LOXL4: variants seen among roughly 807,000 people sequenced by gnomAD.
The protein encoded by LOXL4 is lysyl oxidase homolog 4.
In LOXL4, 72 loss-of-function variants were observed where a neutral mutation model predicts 89.1. The ratio of observed to expected loss-of-function variants is 0.81; its 90% CI spans 0.67 to 0.98. The LOEUF (loss-of-function observed/expected upper bound fraction) is 0.98, where lower values mean the gene tolerates loss of function less well. Ranked by LOEUF, LOXL4 falls within the 50% of genes least tolerant of loss-of-function variation. The pLI, the probability that LOXL4 is intolerant of heterozygous loss-of-function variation, is 0.00. For synonymous variants in LOXL4, 355 were observed against 392.1 expected, an observed-to-expected ratio of 0.91 and a Z score of 1.12; for missense variants, 984 against 1,017.5, an observed-to-expected ratio of 0.97 and a Z score of 0.45.
chr10:98,254,734 G>A (rs1486769508), intron 10 of LOXL4, among the ~76,000 whole-genome samples: 1 of 152,202 alleles, frequency 6.6e-6, no homozygotes, highest in Non-Finnish European at 1.5e-5. Context: ...CCAGGAAGGG[G>A]AGTCAAGTGA....
At chr10:98,257,063 C>G (rs1858397339) in intron 8 of LOXL4, 116 bp from the exon 9 acceptor site, 1 of 1,221,872 alleles carries the variant, frequency 8.2e-7, no homozygotes, top group African/African-American at 1.5e-5. Flanking sequence ...CAAGACAGTC[C>G]CCTTCTCTGC....
intron 8 of LOXL4, 106 bp downstream of exon 8, chr10:98,257,544 T>A: frequency 7.3e-7 from 1 of 1,360,764 alleles, no homozygotes; most frequent in Non-Finnish European, 1.0e-6. Flanking sequence ...GCAGAAGCGC[T>A]AGCCGCTCCT....
chr10:98,256,973 A>G, intron 8 of LOXL4, 26 bp from the exon 9 acceptor site: 1 of 1,609,234 alleles, frequency 6.2e-7, no homozygotes, highest in Non-Finnish European at 8.5e-7. Context: ...GTGTGTGAGG[A>G]GTGGGGTAGC....
intron 1 of LOXL4, among the ~76,000 whole-genome samples, chr10:98,264,854 T>TC (rs34407531): frequency 0.32 from 48,085 of 152,122 alleles, 7,715 homozygotes; most frequent in Non-Finnish European, 0.35. Context: ...ACCTGCCTCT[T>TC]CCACGGCCAT....
intron 10 of LOXL4, 98 bp from the exon 11 acceptor site, chr10:98,253,894 T>A: frequency 6.8e-7 from 1 of 1,474,984 alleles, no homozygotes; most frequent in Admixed American, 2.0e-5. Flanking sequence ...GATTAAACCC[T>A]CCGAGAGGAC....
In LOXL4 at chr10:98,248,620, G is replaced by A. The variant is rs551617787; in HGVS notation, c.*301C>T. 10 of 351,638 alleles carry A rather than the reference G, an allele frequency of 2.8e-5. No homozygotes were observed. Among genetic ancestry groups the A allele is most frequent in the East Asian group, 1.1e-4 (2 of 17,464 alleles). 21.8% of individuals were successfully genotyped at this position (351,638 alleles called of 1,614,324 possible). ...AAGAAACTGAGAGCTCCTGAATCCCGGATCTCTGTGGCAAGATTCAGGGAT... is the reference window on the plus strand; with the variant it reads ...AAGAAACTGAGAGCTCCTGAATCCCAGATCTCTGTGGCAAGATTCAGGGAT... On this transcript the variant is annotated 3_prime_UTR_variant, in exon 15 of 15. Coordinates refer to ENST00000260702, the MANE Select transcript of LOXL4 (RefSeq NM_032211.7).
intron 2 of LOXL4, 29 bp downstream of exon 2, chr10:98,262,714 C>T: frequency 2.5e-6 from 4 of 1,597,352 alleles, no homozygotes; most frequent in Non-Finnish European, 3.4e-6. Context: ...ATCTCCTTGC[C>T]ATCCCACTAG....
chr10:98,259,427 T>G lies in LOXL4; in HGVS notation c.665A>C (p.Lys222Thr). Reference sequence around the variant, plus strand: ...GTCCCTCATCTTCAGATCCCAGACTTTCCTGTTATGGGAGAAAACAGATAG... The same window carrying G: ...GTCCCTCATCTTCAGATCCCAGACTGTCCTGTTATGGGAGAAAACAGATAG... ...EVPVDSHYYR[K>T]VWDLKMRDPK... Residue 222 changes from lysine (K) to threonine (T), a missense_variant and splice_region_variant, in exon 5 of 15, where the codon AAA becomes ACA. By Grantham distance (78) the Lys-to-Thr change is moderately conservative (BLOSUM62 -1). Transcript: ENST00000260702. 1 of 1,613,036 alleles carries G rather than the reference T, an allele frequency of 6.2e-7. No homozygotes were observed. The highest frequency in any genetic ancestry group is 1.1e-5 in the South Asian group (1 of 90,772).
In LOXL4 at chr10:98,251,175, A is replaced by G. The variant is rs1858182593; in HGVS notation, c.2090T>C (p.Val697Ala). 3 of 1,610,122 alleles carry G rather than the reference A, an allele frequency of 1.9e-6. No homozygotes were observed. The highest frequency in any genetic ancestry group is 2.5e-6 in the Non-Finnish European group (3 of 1,176,660). Residue 697 changes from valine to alanine, a missense_variant and splice_region_variant, in exon 14 of 15, where the codon GTG (valine) becomes GCG (alanine). Transcript: ENST00000260702. ...DVGPGNYIFQ[V>A]IVNPHYEVAE... ...CACTTCATAGTGGGGGTTCACAATC[A>G]CCTAGAGTGAAAGAGGGGACAACTG...
intron 6 of LOXL4, 89 bp downstream of exon 6, chr10:98,258,920 G>C (rs1858457654): frequency 1.0e-6 from 1 of 990,200 alleles, no homozygotes; most frequent in South Asian, 1.7e-5. Context: ...TCTCTCCTGC[G>C]TGTCCTGGAC....
In LOXL4 at chr10:98,251,065, C is replaced by T; in HGVS notation, c.2200G>A (p.Gly734Arg). 2 of 1,612,258 alleles carry T rather than the reference C, an allele frequency of 1.2e-6. No homozygotes were observed. Among genetic ancestry groups the T allele is most frequent in the Non-Finnish European group, 1.7e-6 (2 of 1,178,474 alleles). ...TGATTCCACAGTGGCTCGGAGTTAC[C>T]TGTGTGGCAGTTGTGCAGCCAGACC... ...HRVWLHNCHTGNSYPANAELS... is the reference protein window; with the variant it reads ...HRVWLHNCHTRNSYPANAELS... The change falls in exon 14 of 15, where the codon GGG becomes AGG. Residue 734 changes from glycine to arginine, a missense_variant and splice_region_variant. Transcript: ENST00000260702.
At position 98,257,991 on chromosome 10, in the gene LOXL4, C is replaced by G. The variant is rs376236102; in HGVS notation, c.1095G>C (p.Arg365=). The G allele has an allele frequency of 3.7e-6, 6 of 1,613,762 alleles. No individual in the cohort carries two copies. In the South Asian group the frequency reaches 4.4e-5, roughly 12 times the overall value. The change falls in exon 7 of 15, where the codon CGG becomes CGC. Residue 365 remains arginine (R), a synonymous_variant. Coordinates refer to ENST00000260702, the MANE Select transcript of LOXL4 (RefSeq NM_032211.7). The part of the protein sequence containing the change: ...GSAREALFGA[R]LGQGLGPIHL... The stretch of plus-strand genomic sequence containing the variant: ...GGCTGTCTCACTCACCTTGGCCCAG[C>G]CGGGCCCCAAAGAGGGCCTCCCGAG...
At chr10:98,256,019 G>A (rs1014187338) in intron 9 of LOXL4, 2 of 352,096 alleles carry the variant, frequency 5.7e-6, no homozygotes, top group South Asian at 6.2e-5. Flanking sequence ...GCAGAGGAGG[G>A]TCCTGTTCCC....
intron 14 of LOXL4, among the ~76,000 whole-genome samples, chr10:98,249,585 A>C (rs927644247): frequency 1.3e-5 from 2 of 152,144 alleles, no homozygotes; most frequent in African/African-American, 4.8e-5. Context: ...TTTTCTTATA[A>C]ATAGTCCTTT....
At chr10:98,253,898 A>C (rs1049249681) in intron 10 of LOXL4, 102 bp from the exon 11 acceptor site, 5 of 1,447,872 alleles carry the variant, frequency 3.5e-6, no homozygotes, top group Non-Finnish European at 4.7e-6. Flanking sequence ...AAACCCTCCG[A>C]GAGGACCCCA....
intron 10 of LOXL4, among the ~76,000 whole-genome samples, chr10:98,254,458 A>G (rs1413205824): frequency 1.3e-5 from 2 of 152,234 alleles, no homozygotes; most frequent in South Asian, 2.1e-4. Context: ...GCAGTTGGCC[A>G]TGTAGGGTCC....
At chr10:98,256,609 G>A in intron 9 of LOXL4, 171 bp downstream of exon 9, 1 of 690,226 alleles carries the variant, frequency 1.4e-6, no homozygotes, top group East Asian at 2.7e-5. Flanking sequence ...TTAGGACTAT[G>A]TCTTCTTGTT....
rs71486150 is a variant in LOXL4, at chr10:98,255,703, C to T, written c.1465G>A (p.Glu489Lys). The T allele has an allele frequency of 6.2e-7, 1 of 1,612,982 alleles. No homozygotes were observed. Among genetic ancestry groups the T allele is most frequent in the Non-Finnish European group, 8.5e-7 (1 of 1,179,010 alleles). Reference protein sequence around the residue: ...WFWSGTPRAQEVVMSGVRCSG... With the variant: ...WFWSGTPRAQKVVMSGVRCSG... ...CAGCGCACCCCACTCATCACCACCT[C>T]CTGGGCCCTTGGCGTCCCCGACCAG... is the stretch of plus-strand genomic sequence containing the variant. Residue 489 changes from glutamate (E) to lysine (K), a missense_variant, in exon 10 of 15, where the codon GAG becomes AAG. Coordinates refer to ENST00000260702, the MANE Select transcript of LOXL4 (RefSeq NM_032211.7).
intron 14 of LOXL4, among the ~76,000 whole-genome samples, chr10:98,249,583 T>A (rs1448586415): frequency 6.6e-6 from 1 of 152,246 alleles, no homozygotes; most frequent in Non-Finnish European, 1.5e-5. Flanking sequence ...TGTTTTCTTA[T>A]AAATAGTCCT....
Sources: allele counts gnomAD v4.1 joint callset (sites outside exome capture counted in the v4.1 genomes callset), GRCh38; gene constraint gnomAD v4.1.1; transcripts MANE v1.5; gene names NCBI Gene and HGNC (gene_info 2026-07-23, HGNC 2026-07-21).